The following CP variants were observed in gnomAD, a reference collection of about 807,000 sequenced individuals.
CP encodes ceruloplasmin, also known as caeruloplasmin.
In CP, 64 loss-of-function variants were observed where a neutral mutation model predicts 122.4. The observed-to-expected ratio is 0.52, with a 90% CI of 0.43 to 0.64. CP has a LOEUF of 0.64. CP is among the 30% of genes least tolerant of loss of function. The pLI is 0.00. For synonymous variants in CP, 440 were observed against 436.4 expected (o/e 1.01, Z -0.10); for missense variants, 1,167 against 1,284.4 (o/e 0.91, Z 1.40).
chr3:149,162,556 T>C lies in CP; in HGVS notation c.*333A>G, dbSNP rs1289374679. On this transcript the variant is annotated 3_prime_UTR_variant, in exon 6 of 6. Coordinates refer to the CP transcript ENST00000479771. The stretch of plus-strand genomic sequence containing the variant: ...CCTTTTAAAAATGTCTAAATTTGCT[T>C]TTGCCATGGCGCTAATGCTAATGGT... 4.5e-6 allele frequency: 5 copies of C among 1,104,968 alleles called. No homozygotes were observed. In the Admixed American group the frequency reaches 7.5e-5, roughly 16 times the overall value. The allele number at this position is 1,104,968 out of a possible 1,614,324, so 68.4% of individuals were successfully genotyped here.
intron 16 of CP, 110 bp from the exon 17 acceptor site, chr3:149,178,089 AG>A: frequency 2.9e-6 from 3 of 1,038,344 alleles, no homozygotes; most frequent in Non-Finnish European, 4.5e-6. Flanking sequence ...TTGATGTAAT[AG>A]GACTTATTTT....
chr3:149,185,473 C>T, intron 11 of CP, 27 bp from the exon 12 acceptor site: 1 of 1,608,986 alleles, frequency 6.2e-7, no homozygotes. Context: ...GAAAACATGT[C>T]ACTTCTTTGC....
At chr3:149,221,078 G>C (rs550718106) in intron 1 of CP, among the ~76,000 whole-genome samples, 2 of 152,134 alleles carry the variant, frequency 1.3e-5, no homozygotes, top group Non-Finnish European at 2.9e-5. Flanking sequence ...ATTGTACTAA[G>C]AGCTTTACAT....
chr3:149,185,646 C>T lies in CP; in HGVS notation c.2078-200G>A, dbSNP rs11924891. Among the ~76,000 whole-genome samples, 9,898 of 152,096 alleles carry T rather than the reference C, an allele frequency of 0.065. 838 individuals are homozygous for T. Among genetic ancestry groups the T allele is most frequent in the African/African-American group, 0.2 (8,317 of 41,404 alleles). On this transcript the variant is annotated intron_variant, in intron 11 of 18. Coordinates refer to ENST00000264613, the MANE Select transcript of CP (RefSeq NM_000096.4). ...GTGTGCCTGCCTTGGGAACTTTGCA[C>T]TTGCTGTTTCCTCTGCCTTCTCCCC...
chr3:149,210,653 G>A (rs950160121), intron 2 of CP, among the ~76,000 whole-genome samples: 5 of 152,140 alleles, frequency 3.3e-5, no homozygotes, highest in African/African-American at 9.7e-5. Context: ...TCGGGTCATG[G>A]TATGGGAGTC....
chr3:149,212,236 C>T (rs971703749), intron 2 of CP, among the ~76,000 whole-genome samples: 6 of 151,844 alleles, frequency 4.0e-5, no homozygotes, highest in African/African-American at 1.2e-4. Flanking sequence ...GCTTGAACCC[C>T]GGATGCGGTG....
chr3:149,214,353 T>C (rs374315233), intron 1 of CP, among the ~76,000 whole-genome samples: 101 of 152,304 alleles, frequency 6.6e-4, no homozygotes, highest in African/African-American at 1.8e-3. Flanking sequence ...CACCATTCTC[T>C]GGATTGATCA....
At chr3:149,209,889 A>G (rs1368303213) in intron 3 of CP, among the ~76,000 whole-genome samples, 3 of 152,200 alleles carry the variant, frequency 2.0e-5, no homozygotes, top group Admixed American at 1.3e-4. Context: ...ATGTCTCTTC[A>G]GCACCACTGT....
At chr3:149,165,245 C>T (rs1226039496) in intron 5 of CP, among the ~76,000 whole-genome samples, 1 of 152,086 alleles carries the variant, frequency 6.6e-6, no homozygotes, top group Non-Finnish European at 1.5e-5. Flanking sequence ...CTAGATCATA[C>T]ACACTAATTA....
chr3:149,184,330 C>T (rs544464820), intron 12 of CP, among the ~76,000 whole-genome samples: 1 of 152,130 alleles, frequency 6.6e-6, no homozygotes, highest in East Asian at 1.9e-4. Flanking sequence ...CCACCGCGCC[C>T]GGCCAGTTTT....
In CP at chr3:149,212,290, G is replaced by A. The variant is rs34010341; in HGVS notation, c.394+161C>T. Among the ~76,000 whole-genome samples, 11,164 of 151,086 alleles carry A rather than the reference G, an allele frequency of 0.074. 1,161 individuals carry two copies. The highest frequency in any genetic ancestry group is 0.24 in the African/African-American group (9,755 of 41,152). ...CGTGCCACTGCACTCCAGCCTGGGT[G>A]ACAGAAGTCAAAAAAAATTAAAAAA... is the stretch of plus-strand genomic sequence containing the variant. On this transcript the variant is annotated intron_variant, in intron 2 of 18. Coordinates refer to ENST00000264613, the MANE Select transcript of CP (RefSeq NM_000096.4).
chr3:149,210,207 A>C lies in CP; in HGVS notation c.567T>G (p.Ile189Met), dbSNP rs1243904525. Residue 189 changes from isoleucine to methionine, a missense_variant, in exon 3 of 19, where the codon ATT becomes ATG. Ile to Met is a conservative substitution (Grantham distance 10). Coordinates refer to ENST00000264613, the MANE Select transcript of CP (RefSeq NM_000096.4). ...TTAAAGGTCCGATGAGTCCTGAGGCAATATCTTTTGGAGCATCAATGTGGG... is the reference window on the plus strand; with the variant it reads ...TTAAAGGTCCGATGAGTCCTGAGGCCATATCTTTTGGAGCATCAATGTGGG... The part of the protein sequence containing the change: ...YHSHIDAPKD[I>M]ASGLIGPLII... 6.2e-7 allele frequency: 1 copy of C among 1,614,008 alleles called. No individual in the cohort carries two copies. Among genetic ancestry groups the C allele is most frequent in the Non-Finnish European group, 8.5e-7 (1 of 1,179,928 alleles).
chr3:149,221,709 A>G lies in CP; in HGVS notation c.84T>C (p.Ile28=). Residue 28 remains isoleucine, a synonymous_variant, in exon 1 of 19, where the codon ATT becomes ATC. Coordinates refer to ENST00000264613, the MANE Select transcript of CP (RefSeq NM_000096.4). ...WAKEKHYYIG[I]IETTWDYASD... is the part of the protein sequence containing the mutation. ...AGGCATAATCCCAAGTCGTTTCAAT[A>G]ATTCCAATGTAATAATGCTTTTCTT... The G allele has an allele frequency of 6.2e-7, 1 of 1,613,228 alleles. No homozygotes were observed. The highest frequency in any genetic ancestry group is 8.5e-7 in the Non-Finnish European group (1 of 1,179,666).
chr3:149,164,074 G>GT, intron 5 of CP: 2 of 616,686 alleles, frequency 3.2e-6, no homozygotes, highest in Non-Finnish European at 5.8e-6. Flanking sequence ...AAAATCCATA[G>GT]TTAGGCATAC....
Position 149,178,586 on chromosome 3 carries a change from G to T in CP, c.2707C>A (p.Pro903Thr). ...LIGPLIVCRR[P>T]YLKVFNPRRK... ...CTGGGATTGAATACTTTCAAGTAAG[G>T]TCTTCGACAAACAATCAGGGGGCCA... Residue 903 changes from proline (P) to threonine (T), a missense_variant, in exon 16 of 19, where the codon CCT becomes ACT. This residue lies in a region of CP where 525 missense variants were observed against 657.2 expected (regional missense o/e 0.80). Transcript: ENST00000264613. The T allele has an allele frequency of 6.2e-7, 1 of 1,613,446 alleles. No homozygotes were observed.
chr3:149,199,957 G>A, intron 7 of CP, 93 bp from the exon 8 acceptor site: 14 of 1,294,224 alleles, frequency 1.1e-5, no homozygotes, highest in Non-Finnish European at 1.6e-5. Context: ...TCTCTGGCAA[G>A]AACTACTAGG....
intron 11 of CP, chr3:149,186,126 C>G (rs1322446308): frequency 1.1e-5 from 3 of 273,806 alleles, no homozygotes; most frequent in South Asian, 9.0e-5. Flanking sequence ...TATTCACTTG[C>G]AACCAACAAG....
downstream of CP, chr3:149,172,154 G>A: frequency 6.2e-7 from 1 of 1,613,052 alleles, no homozygotes; most frequent in Non-Finnish European, 8.5e-7. Context: ...TGTTCTCCCA[G>A]AAGATGGTAC....
intron 7 of CP, among the ~76,000 whole-genome samples, chr3:149,201,777 G>A (rs536506303): frequency 1.1e-4 from 16 of 151,966 alleles, no homozygotes; most frequent in Non-Finnish European, 1.0e-4. Context: ...TGTATTTTTA[G>A]TAAAGATGGG....
Sources: allele counts gnomAD v4.1 joint callset (sites outside exome capture counted in the v4.1 genomes callset), GRCh38; gene constraint gnomAD v4.1.1; regional missense constraint gnomAD v4.1.1; transcripts MANE v1.5; gene names NCBI Gene and HGNC (gene_info 2026-07-23, HGNC 2026-07-21).